The following THSD7A variants were observed in gnomAD, a reference collection of about 807,000 sequenced individuals.
THSD7A encodes thrombospondin type 1 domain containing 7A.
Under a neutral mutation model 231.3 loss-of-function variants are expected in THSD7A, and 96 were observed. The ratio of observed to expected loss-of-function variants is 0.41; its 90% CI spans 0.35 to 0.49. THSD7A has a LOEUF of 0.49. Among genes scored for constraint, THSD7A ranks in the 20% least tolerant of loss-of-function variants. The probability of loss-of-function intolerance (pLI) is 0.05; values close to 1 mark genes in which losing one functional copy is unlikely to be tolerated. For missense variants in THSD7A, 2,290 were observed against 2,070.2 expected (o/e 1.11, Z -2.06); for synonymous variants, 940 against 743.3 (o/e 1.26, Z -4.30).
rs985403439 is a variant in THSD7A, at chr7:11,540,172, A to G, written c.1822+1247T>C. The stretch of plus-strand genomic sequence containing the variant: ...ACAGCAGATTATGCTTATCGTAGCA[A>G]AAAAGCAGAATATATAAAATTCATC... On this transcript the variant is annotated intron_variant, in intron 6 of 27. Transcript: ENST00000423059. Among the ~76,000 whole-genome samples the G allele has an allele frequency of 3.9e-5, 6 of 152,352 alleles. No homozygotes were observed. In the East Asian group the frequency reaches 1.2e-3, roughly 29 times the overall value.
chr7:11,426,719 A>C lies in THSD7A; in HGVS notation c.3244-48T>G, dbSNP rs778105589. 4.5e-6 allele frequency: 7 copies of C among 1,540,936 alleles called. 1 individual carries two copies. In the South Asian group the frequency reaches 8.4e-5, roughly 18 times the overall value. On this transcript the variant is annotated intron_variant, in intron 14 of 27. Coordinates refer to ENST00000423059, the MANE Select transcript of THSD7A (RefSeq NM_015204.3). ...TGATGAAAAGGGAGAGAAATAAGGT[A>C]GGTGAAAATGTCAGTATGCTATGAG...
At chr7:11,721,913 A>G (rs1781367905) in intron 1 of THSD7A, among the ~76,000 whole-genome samples, 1 of 151,868 alleles carries the variant, frequency 6.6e-6, no homozygotes, top group Non-Finnish European at 1.5e-5. Flanking sequence ...TGTTCCAAAT[A>G]TATTGAACTC....
intron 1 of THSD7A, among the ~76,000 whole-genome samples, chr7:11,732,457 C>T (rs9691412): frequency 0.73 from 110,905 of 151,678 alleles, 40,621 homozygotes; most frequent in South Asian, 0.79. Context: ...GGCTTAACCC[C>T]AAAGGGATTA....
intron 4 of THSD7A, among the ~76,000 whole-genome samples, chr7:11,556,316 T>C (rs887081733): frequency 6.7e-6 from 1 of 148,226 alleles, no homozygotes; most frequent in Admixed American, 6.8e-5. Context: ...TGTACATATA[T>C]ATACAAGATA....
At chr7:11,498,720 C>A (rs762276978) in intron 6 of THSD7A, among the ~76,000 whole-genome samples, 1 of 152,124 alleles carries the variant, frequency 6.6e-6, no homozygotes, top group African/African-American at 2.4e-5. Flanking sequence ...CATGCAGATG[C>A]CTTTGGGTGG....
chr7:11,394,608 T>G (rs1783109528), intron 23 of THSD7A, among the ~76,000 whole-genome samples: 1 of 152,152 alleles, frequency 6.6e-6, no homozygotes, highest in South Asian at 2.1e-4. Flanking sequence ...AGAACCGATC[T>G]TTGATCACCC....
At chr7:11,478,341 T>A (rs1007207418) in intron 7 of THSD7A, among the ~76,000 whole-genome samples, 2 of 152,150 alleles carry the variant, frequency 1.3e-5, no homozygotes, top group Non-Finnish European at 2.9e-5. Flanking sequence ...CACTCTTCTA[T>A]CCTCTCATAC....
At chr7:11,620,621 C>T (rs1379323709) in intron 2 of THSD7A, among the ~76,000 whole-genome samples, 2 of 152,166 alleles carry the variant, frequency 1.3e-5, no homozygotes, top group African/African-American at 2.4e-5. Context: ...TCACAGTCCT[C>T]TCAACAGAGA....
chr7:11,513,654 TAGAC>T (rs1583883381), intron 6 of THSD7A, among the ~76,000 whole-genome samples: 1 of 152,062 alleles, frequency 6.6e-6, no homozygotes, highest in African/African-American at 2.4e-5. Flanking sequence ...GACAGGGAAA[TAGAC>T]AGTGAAATAG....
intron 2 of THSD7A, among the ~76,000 whole-genome samples, chr7:11,597,721 A>G (rs190675656): frequency 3.6e-4 from 55 of 152,282 alleles, no homozygotes; most frequent in Admixed American, 2.2e-3. Flanking sequence ...TGAACTGCCT[A>G]TCATGTACTG....
chr7:11,688,317 C>A (rs1780125485), intron 1 of THSD7A, among the ~76,000 whole-genome samples: 2 of 151,700 alleles, frequency 1.3e-5, no homozygotes, highest in Non-Finnish European at 2.9e-5. Flanking sequence ...TGGGCGTCAC[C>A]CAAGACCAGT....
chr7:11,458,315 CT>C (rs1436945516), intron 11 of THSD7A, among the ~76,000 whole-genome samples: 4 of 152,100 alleles, frequency 2.6e-5, no homozygotes, highest in African/African-American at 9.6e-5. Context: ...AAAATTTTGT[CT>C]TCTTGCAATT....
intron 2 of THSD7A, among the ~76,000 whole-genome samples, chr7:11,620,779 C>T (rs1305180771): frequency 6.6e-6 from 1 of 152,156 alleles, no homozygotes; most frequent in African/African-American, 2.4e-5. Context: ...ACTTCATTTG[C>T]CCCCAACAGG....
At chr7:11,528,934 CT>C (rs1438719945) in intron 6 of THSD7A, among the ~76,000 whole-genome samples, 2 of 152,120 alleles carry the variant, frequency 1.3e-5, no homozygotes, top group African/African-American at 4.8e-5. Context: ...CTACAGCTTT[CT>C]TAATTATATT....
chr7:11,576,537 TAATGTC>T (rs1348409264), intron 4 of THSD7A, among the ~76,000 whole-genome samples: 1 of 152,220 alleles, frequency 6.6e-6, no homozygotes, highest in Non-Finnish European at 1.5e-5. Flanking sequence ...TTGATTCTGA[TAATGTC>T]AAGTGTGGGA....
At chr7:11,788,100 A>G (rs557459151) in intron 1 of THSD7A, among the ~76,000 whole-genome samples, 1 of 152,054 alleles carries the variant, frequency 6.6e-6, no homozygotes, top group Admixed American at 6.6e-5. Flanking sequence ...CCACCATCCT[A>G]CAAGTACCCA....
rs547303239 is a variant in THSD7A at position 11,593,116 on chromosome 7, G to T, written c.1271+138C>A. On this transcript the variant is annotated intron_variant, in intron 3 of 27. Coordinates refer to ENST00000423059, the MANE Select transcript of THSD7A (RefSeq NM_015204.3). ...AGGACACTTTTATTCTGTAAAAAAA[G>T]TTTTTTTTAAGGATACTGTTTGTAA... 3.5e-4 allele frequency: 420 copies of T among 1,204,962 alleles called. 2 individuals are homozygous for T. Among genetic ancestry groups the T allele is most frequent in the Middle Eastern group, 2.3e-3 (9 of 3,870 alleles). The allele number at this position is 1,204,962 out of a possible 1,614,324, so 74.6% of individuals were successfully genotyped here.
At chr7:11,497,063 G>A (rs1787132081) in intron 6 of THSD7A, among the ~76,000 whole-genome samples, 1 of 152,128 alleles carries the variant, frequency 6.6e-6, no homozygotes, top group Non-Finnish European at 1.5e-5. Flanking sequence ...AGAATGGCTG[G>A]GGAGGCCTAA....
chr7:11,417,380 A>C, intron 17 of THSD7A, 70 bp downstream of exon 17: 1 of 1,367,700 alleles, frequency 7.3e-7, no homozygotes, highest in South Asian at 1.5e-5. Context: ...TTCAAAAAAT[A>C]ATGTCTTTAA....
Sources: gnomAD v4.1 joint callset for allele counts (sites outside exome capture counted in the v4.1 genomes callset) on GRCh38, gnomAD v4.1.1 for gene constraint, MANE v1.5 for transcripts, NCBI Gene and HGNC (gene_info 2026-07-23, HGNC 2026-07-21) for gene names.